The following NTNG1 variants were observed in gnomAD, a reference collection of about 807,000 sequenced individuals.
NTNG1 encodes the protein netrin G1, also known as netrin-G1.
A neutral mutation model predicts 54.0 loss-of-function variants in NTNG1; 16 were observed. The ratio of observed to expected loss-of-function variants is 0.30; its 90% CI spans 0.20 to 0.45. NTNG1 has a LOEUF of 0.45. NTNG1 is among the 20% of genes least tolerant of loss of function. NTNG1 has a pLI of 1.00. For synonymous variants in NTNG1, 255 were observed against 263.1 expected (o/e 0.97, Z 0.30); for missense variants, 530 against 678.7 (o/e 0.78, Z 2.43).
At chr1:107,376,133 A>G (rs745531988) in intron 3 of NTNG1, among the ~76,000 whole-genome samples, 1 of 152,212 alleles carries the variant, frequency 6.6e-6, no homozygotes, top group Non-Finnish European at 1.5e-5. Context: ...TAATATTGCT[A>G]TTGTAGGCTG....
intron 2 of NTNG1, among the ~76,000 whole-genome samples, chr1:107,178,891 G>T (rs1656852183): frequency 1.3e-5 from 2 of 152,192 alleles, no homozygotes; most frequent in African/African-American, 2.4e-5. Flanking sequence ...CTAGACTGAA[G>T]AATTAGCCCC....
intron 2 of NTNG1, among the ~76,000 whole-genome samples, chr1:107,245,376 G>A (rs532864487): frequency 1.3e-5 from 2 of 152,260 alleles, no homozygotes; most frequent in South Asian, 4.1e-4. Flanking sequence ...TGGTAAATAG[G>A]CATTTCCAGC....
rs577969632 is a variant in NTNG1, at chr1:107,444,812, C to T, written c.1390+8013C>T. ...TAGCAGCCGAGAATCAAAGCAACAGCCTGATCCTACCTGATAATAAGATGA... is the reference window on the plus strand; with the variant it reads ...TAGCAGCCGAGAATCAAAGCAACAGTCTGATCCTACCTGATAATAAGATGA... On this transcript the variant is annotated intron_variant, in intron 7 of 7. Coordinates refer to ENST00000370068, the MANE Select transcript of NTNG1 (RefSeq NM_001113226.3). Among the ~76,000 whole-genome samples, 5 of 152,156 alleles carry T rather than the reference C, an allele frequency of 3.3e-5. No individual in the cohort carries two copies. The South Asian group carries it at 1.0e-3, about 32-fold the overall frequency.
chr1:107,230,264 A>T (rs1660984335), intron 2 of NTNG1, among the ~76,000 whole-genome samples: 1 of 152,146 alleles, frequency 6.6e-6, no homozygotes, highest in Non-Finnish European at 1.5e-5. Flanking sequence ...CCCTCGGTGT[A>T]AGAGTGATGT....
chr1:107,177,459 T>C (rs1656729190), intron 2 of NTNG1, among the ~76,000 whole-genome samples: 1 of 151,968 alleles, frequency 6.6e-6, no homozygotes, highest in Admixed American at 6.6e-5. Flanking sequence ...CTCAGCCTCT[T>C]GAGTAGCTGG....
Position 107,161,989 on chromosome 1 carries a change from T to A in NTNG1, c.246+13150T>A, listed in dbSNP as rs527552251. 1.5e-3 allele frequency among the ~76,000 whole-genome samples: 224 copies of A among 152,242 alleles called. 1 individual carries two copies. Among genetic ancestry groups the A allele is most frequent in the African/African-American group, 5.3e-3 (220 of 41,570 alleles). ...GCTTTGTCATTCAATGTTATATTTG[T>A]AAATTATCCATTTGATCTATATGAT... On this transcript the variant is annotated intron_variant, in intron 2 of 7. Coordinates refer to ENST00000370068, the MANE Select transcript of NTNG1 (RefSeq NM_001113226.3).
At chr1:107,315,084 A>C (rs1667260048) in intron 2 of NTNG1, among the ~76,000 whole-genome samples, 1 of 152,160 alleles carries the variant, frequency 6.6e-6, no homozygotes, top group Non-Finnish European at 1.5e-5. Context: ...ACTCAGTAAA[A>C]AGTACCACCA....
chr1:107,344,123 C>T (rs767348229), intron 3 of NTNG1, among the ~76,000 whole-genome samples: 10 of 151,972 alleles, frequency 6.6e-5, no homozygotes, highest in Non-Finnish European at 1.3e-4. Context: ...GTTCCCAGAA[C>T]GCCACTTTAA....
chr1:107,408,903 T>C (rs1176465682), intron 5 of NTNG1: 1 of 152,128 alleles, frequency 6.6e-6, no homozygotes, highest in Non-Finnish European at 1.5e-5. Flanking sequence ...CTGCTTCTTA[T>C]AAATGCACAG....
intron 2 of NTNG1, among the ~76,000 whole-genome samples, chr1:107,233,791 C>T (rs1478700357): frequency 6.6e-6 from 1 of 152,132 alleles, no homozygotes; most frequent in Non-Finnish European, 1.5e-5. Flanking sequence ...GACCATATGG[C>T]TTTGACATTT....
chr1:107,448,463 T>A (rs2101468081), intron 7 of NTNG1, among the ~76,000 whole-genome samples: 1 of 152,216 alleles, frequency 6.6e-6, no homozygotes, highest in South Asian at 2.1e-4. Context: ...TCAATGGGTA[T>A]GATCAGCATC....
chr1:107,228,890 T>C (rs1487829282), intron 2 of NTNG1, among the ~76,000 whole-genome samples: 1 of 152,148 alleles, frequency 6.6e-6, no homozygotes, highest in African/African-American at 2.4e-5. Context: ...TGGTCAGCCT[T>C]CCAGGGCTGG....
At chr1:107,350,508 T>TA (rs769238610) in intron 3 of NTNG1, among the ~76,000 whole-genome samples, 5 of 152,178 alleles carry the variant, frequency 3.3e-5, no homozygotes, top group Non-Finnish European at 7.4e-5. Context: ...CAAAAGGAAT[T>TA]AAAATCAGTG....
At chr1:107,231,349 A>G (rs1458414029) in intron 2 of NTNG1, among the ~76,000 whole-genome samples, 2 of 152,180 alleles carry the variant, frequency 1.3e-5, no homozygotes, top group Admixed American at 1.3e-4. Flanking sequence ...TACAGAGGAC[A>G]AGTGAGCAGG....
intron 2 of NTNG1, among the ~76,000 whole-genome samples, chr1:107,261,748 C>T (rs978102069): frequency 6.6e-5 from 10 of 152,224 alleles, no homozygotes; most frequent in East Asian, 1.9e-4. Context: ...GAGGCTGAGG[C>T]GGGAGAATGG....
chr1:107,281,763 C>T (rs1256357362), intron 2 of NTNG1, among the ~76,000 whole-genome samples: 3 of 152,018 alleles, frequency 2.0e-5, no homozygotes, highest in Non-Finnish European at 4.4e-5. Flanking sequence ...TGCTAACTGT[C>T]CATGACAATA....
chr1:107,449,793 A>T (rs1402786852), intron 7 of NTNG1, among the ~76,000 whole-genome samples: 1 of 151,680 alleles, frequency 6.6e-6, no homozygotes, highest in Non-Finnish European at 1.5e-5. Flanking sequence ...GTTTAGTGTC[A>T]GCAGCGTAAC....
intron 3 of NTNG1, among the ~76,000 whole-genome samples, chr1:107,366,004 T>C (rs1220920392): frequency 6.6e-6 from 1 of 152,210 alleles, no homozygotes; most frequent in East Asian, 1.9e-4. Flanking sequence ...TCCAGTAAGC[T>C]GATGACAGAT....
intron 2 of NTNG1, among the ~76,000 whole-genome samples, chr1:107,260,215 A>G (rs1222998317): frequency 6.6e-6 from 1 of 152,234 alleles, no homozygotes; most frequent in Non-Finnish European, 1.5e-5. Context: ...CTTTTTGATC[A>G]TCCAGCTTTC....
Sources: gnomAD v4.1 joint callset for allele counts (sites outside exome capture counted in the v4.1 genomes callset) on GRCh38, gnomAD v4.1.1 for gene constraint, MANE v1.5 for transcripts, NCBI Gene and HGNC (gene_info 2026-07-23, HGNC 2026-07-21) for gene names.